PTPRN2: variants seen among roughly 807,000 people sequenced by gnomAD.
PTPRN2 encodes the protein protein tyrosine phosphatase receptor type N2, also known as receptor-type tyrosine-protein phosphatase N2.
Under a neutral mutation model 118.8 loss-of-function variants are expected in PTPRN2, and 74 were observed. That is an observed-to-expected ratio of 0.62 (90% CI 0.52 to 0.76). The LOEUF (loss-of-function observed/expected upper bound fraction) is 0.76. Ranked by LOEUF, PTPRN2 falls within the 30% of genes least tolerant of loss-of-function variation. PTPRN2 has a pLI of 0.00. For missense variants in PTPRN2, 1,481 were observed against 1,394.4 expected (o/e 1.06, Z -0.99); for synonymous variants, 641 against 608.0 (o/e 1.05, Z -0.80).
At chr7:157,854,513 G>A (rs1274928621) in intron 12 of PTPRN2, 5 of 152,326 alleles carry the variant, frequency 3.3e-5, no homozygotes, top group Admixed American at 6.5e-5. Context: ...TCTTAAATCC[G>A]GCTCTGTGCC....
At position 157,644,698 on chromosome 7, in the gene PTPRN2, G is replaced by A. The variant is rs1018176767; in HGVS notation, c.2196+11659C>T. Among the ~76,000 whole-genome samples the A allele has an allele frequency of 3.3e-5, 5 of 152,090 alleles. No homozygotes were observed. In the East Asian group the frequency reaches 7.7e-4, roughly 24 times the overall value. On this transcript the variant is annotated intron_variant, in intron 14 of 22. Coordinates refer to ENST00000389418, the MANE Select transcript of PTPRN2 (RefSeq NM_002847.5). ...TAATTCCAGTTACTCGGAAGGCTGA[G>A]GCAGGAGAATCACTTGAACCCGAGA...
In PTPRN2 at chr7:157,921,277, CA is replaced by C. The variant is rs573942561; in HGVS notation, c.1724-22541del. ...AACGCTAAGACGTTCTGGAAAAGAA[CA>C]AAGGATGGAGACAGTGTAAGTTGTG... On this transcript the variant is annotated intron_variant, in intron 11 of 22. Transcript: ENST00000389418. Among the ~76,000 whole-genome samples the C allele has an allele frequency of 7.9e-5, 12 of 152,260 alleles. No individual in the cohort carries two copies. The South Asian group carries it at 2.1e-3, about 26-fold the overall frequency.
chr7:158,366,908 G>A lies in PTPRN2; in HGVS notation c.164-49976C>T, dbSNP rs546232412. On this transcript the variant is annotated intron_variant, in intron 2 of 22. Transcript: ENST00000389418. Reference sequence around the variant, plus strand: ...CAAATAGGATTTAAAACAGCAAAGCGGTGCCTTTGCCAATTCCAGGGAGTG... The same window carrying A: ...CAAATAGGATTTAAAACAGCAAAGCAGTGCCTTTGCCAATTCCAGGGAGTG... 4.6e-5 allele frequency among the ~76,000 whole-genome samples: 7 copies of A among 152,192 alleles called. No individual in the cohort carries two copies. The East Asian group carries it at 1.2e-3, about 25-fold the overall frequency.
At chr7:158,485,706 T>C (rs1029153692) in intron 2 of PTPRN2, among the ~76,000 whole-genome samples, 11 of 152,018 alleles carry the variant, frequency 7.2e-5, no homozygotes, top group East Asian at 3.9e-4. Context: ...TGTGCCTCCT[T>C]CCCACCTCTC....
Position 157,583,950 on chromosome 7 carries a change from C to T in PTPRN2, c.2497-5810G>A, listed in dbSNP as rs1800527140. ...CACACACACACTCTTAAAATAAGCT[C>T]TCCTGAAGCCCCACAGAGACCTGAT... On this transcript the variant is annotated intron_variant, in intron 17 of 22. Coordinates refer to ENST00000389418, the MANE Select transcript of PTPRN2 (RefSeq NM_002847.5). This position sits in a 1 kb window ranked among gnomAD's most constrained non-coding sequence, Gnocchi z 5.5. Among the ~76,000 whole-genome samples the T allele has an allele frequency of 6.6e-6, 1 of 151,000 alleles. No individual in the cohort carries two copies. The highest frequency in any genetic ancestry group is 1.9e-4 in the East Asian group (1 of 5,138).
intron 11 of PTPRN2, among the ~76,000 whole-genome samples, chr7:157,976,581 T>G (rs1197643614): frequency 6.6e-6 from 1 of 151,662 alleles, no homozygotes; most frequent in Non-Finnish European, 1.5e-5. Flanking sequence ...TAGTCACGCA[T>G]GTGCCTGTGC....
At position 157,826,637 on chromosome 7, in the gene PTPRN2, C is replaced by T. The variant is rs59114885; in HGVS notation, c.1788+72036G>A. ...GCTGTGCTAAGCTGTATTTCACCCTCACGCCAGGCAACAAGGTGGGCATTA... is the reference window on the plus strand; with the variant it reads ...GCTGTGCTAAGCTGTATTTCACCCTTACGCCAGGCAACAAGGTGGGCATTA... On this transcript the variant is annotated intron_variant, in intron 12 of 22. Transcript: ENST00000389418. Among the ~76,000 whole-genome samples, 839 of 152,268 alleles carry T rather than the reference C, an allele frequency of 5.5e-3. 10 individuals carry two copies. Among genetic ancestry groups the T allele is most frequent in the African/African-American group, 0.02 (819 of 41,526 alleles).
intron 11 of PTPRN2, among the ~76,000 whole-genome samples, chr7:158,010,551 G>T (rs148387941): frequency 1.1e-3 from 171 of 152,232 alleles, no homozygotes; most frequent in African/African-American, 3.6e-3. Flanking sequence ...TAGGCTAACA[G>T]GCAATGAAGA....
At chr7:158,192,633 G>T in intron 4 of PTPRN2, 138 bp from the exon 5 acceptor site, 3 of 1,001,262 alleles carry the variant, frequency 3.0e-6, no homozygotes, top group Non-Finnish European at 2.8e-6. Flanking sequence ...GCTGCTCCAT[G>T]ACCATGGGTT....
intron 11 of PTPRN2, among the ~76,000 whole-genome samples, chr7:158,018,561 G>T (rs1277048730): frequency 6.6e-6 from 1 of 152,070 alleles, no homozygotes; most frequent in Admixed American, 6.5e-5. Context: ...AAATCATCTC[G>T]GCTTGAAATG....
intron 14 of PTPRN2, among the ~76,000 whole-genome samples, chr7:157,634,343 T>G (rs775053983): frequency 1.4e-4 from 21 of 152,250 alleles, no homozygotes; most frequent in Admixed American, 2.6e-4. Flanking sequence ...ATAGCCTTCA[T>G]GCTTTTGTTA....
chr7:157,775,688 A>G (rs1234933956), intron 12 of PTPRN2, among the ~76,000 whole-genome samples: 3 of 152,118 alleles, frequency 2.0e-5, no homozygotes, highest in Non-Finnish European at 4.4e-5. Flanking sequence ...CAAGGGCAGG[A>G]CGGAGCCTGG....
rs1563246144 is a variant in PTPRN2 at position 157,596,078 on chromosome 7, C to A, written c.2419-763G>T. 6.6e-6 allele frequency among the ~76,000 whole-genome samples: 1 copy of A among 152,228 alleles called. No homozygotes were observed. The highest frequency in any genetic ancestry group is 1.5e-5 in the Non-Finnish European group (1 of 68,030). ...CGAGCCTCTTGCTAGAGCCACAGGG[C>A]TGGCTGGGGTGAGGCTGAGCTCCAA... On this transcript the variant is annotated intron_variant, in intron 16 of 22. Transcript: ENST00000389418. The surrounding 1 kb of genome is among the most constrained non-coding windows in gnomAD (Gnocchi z 4.2).
chr7:157,569,935 A>C (rs986599300), intron 20 of PTPRN2, among the ~76,000 whole-genome samples: 2 of 152,258 alleles, frequency 1.3e-5, no homozygotes, highest in Non-Finnish European at 2.9e-5. Context: ...AGCAGATATC[A>C]CACTTTCGGT....
intron 2 of PTPRN2, among the ~76,000 whole-genome samples, chr7:158,409,489 T>TA (rs1319945414): frequency 1.3e-5 from 2 of 152,028 alleles, no homozygotes; most frequent in Non-Finnish European, 2.9e-5. Context: ...TGCTAACAGA[T>TA]AGAGTCAGGT....
chr7:158,098,846 C>T (rs960508282), intron 10 of PTPRN2, among the ~76,000 whole-genome samples: 7 of 149,746 alleles, frequency 4.7e-5, no homozygotes, highest in East Asian at 2.1e-4. Flanking sequence ...GGACGGGGAA[C>T]GGGGCCGCGG....
intron 5 of PTPRN2, among the ~76,000 whole-genome samples, chr7:158,168,488 A>T (rs1823234982): frequency 6.6e-6 from 1 of 152,194 alleles, no homozygotes; most frequent in Non-Finnish European, 1.5e-5. Flanking sequence ...AACCCTGAAA[A>T]GCTGCTCCCC....
chr7:157,642,814 CAA>C (rs11335302), intron 14 of PTPRN2, among the ~76,000 whole-genome samples: 686 of 24,000 alleles, frequency 0.029, 2 homozygotes, highest in East Asian at 0.12. Flanking sequence ...CAAGAAACAG[CAA>C]AAAAAAAAAA....
intron 3 of PTPRN2, among the ~76,000 whole-genome samples, chr7:158,294,758 C>A (rs112538048): frequency 4.5e-4 from 68 of 152,354 alleles, no homozygotes; most frequent in South Asian, 1.5e-3. Context: ...TCTATTTCCA[C>A]GCTCATGGTT....
Sources: gnomAD v4.1 joint callset for allele counts (sites outside exome capture counted in the v4.1 genomes callset) on GRCh38, gnomAD v4.1.1 for gene constraint, Gnocchi (gnomAD v3.1) non-coding constraint, MANE v1.5 for transcripts, NCBI Gene and HGNC (gene_info 2026-07-23, HGNC 2026-07-21) for gene names.